DLGAP1: variants seen among roughly 807,000 people sequenced by gnomAD.
DLGAP1 encodes DLG associated protein 1.
DLGAP1 carries 11 observed loss-of-function variants against 90.8 expected under a neutral mutation model. That is an observed-to-expected ratio of 0.12 (90% CI 0.08 to 0.20). DLGAP1 has a LOEUF of 0.20. Among genes scored for constraint, DLGAP1 ranks in the 10% least tolerant of loss-of-function variants. DLGAP1 has a pLI of 1.00. For missense variants in DLGAP1, 1,050 were observed against 1,333.8 expected, an observed-to-expected ratio of 0.79 and a Z score of 3.31; for synonymous variants, 558 against 540.7, an observed-to-expected ratio of 1.03 and a Z score of -0.44.
chr18:3,746,587 T>C (rs1481808860), intron 5 of DLGAP1, among the ~76,000 whole-genome samples: 1 of 152,100 alleles, frequency 6.6e-6, no homozygotes, highest in African/African-American at 2.4e-5. Context: ...TTCACATGCA[T>C]AATATTTAAA....
intron 2 of DLGAP1, among the ~76,000 whole-genome samples, chr18:4,101,067 T>C (rs1019389751): frequency 1.3e-5 from 2 of 152,216 alleles, no homozygotes; most frequent in African/African-American, 4.8e-5. Flanking sequence ...CCTTCAAGAA[T>C]TCTTCCTTTG....
chr18:4,283,282 G>A (rs984212347), intron 1 of DLGAP1, among the ~76,000 whole-genome samples: 6 of 152,076 alleles, frequency 3.9e-5, no homozygotes, highest in African/African-American at 1.4e-4. Context: ...AAATACTCCC[G>A]AAAGTTTGTA....
chr18:4,309,834 A>C (rs984462391), intron 1 of DLGAP1, among the ~76,000 whole-genome samples: 1 of 152,202 alleles, frequency 6.6e-6, no homozygotes, highest in Admixed American at 6.5e-5. Flanking sequence ...AGAGTAAAAA[A>C]GGCTCCACAG....
rs1288522414 is a variant in DLGAP1, at chr18:4,454,589, C to T, written c.-267+417G>A. 2.0e-5 allele frequency among the ~76,000 whole-genome samples: 3 copies of T among 152,128 alleles called. No individual in the cohort carries two copies. The highest frequency in any genetic ancestry group is 7.2e-5 in the African/African-American group (3 of 41,440). ...CGAGAAAGCCCTGCGGGGAGCAGCCCCCTCCTCCCCTGCAAGGTGCATCGG... is the reference window on the plus strand; with the variant it reads ...CGAGAAAGCCCTGCGGGGAGCAGCCTCCTCCTCCCCTGCAAGGTGCATCGG... On this transcript the variant is annotated intron_variant, in intron 1 of 12. Coordinates refer to ENST00000315677, the MANE Select transcript of DLGAP1 (RefSeq NM_004746.4). This position sits in a 1 kb window ranked among gnomAD's most constrained non-coding sequence, Gnocchi z 4.7.
intron 9 of DLGAP1, among the ~76,000 whole-genome samples, chr18:3,555,988 G>C (rs569589): frequency 0.58 from 88,785 of 151,886 alleles, 30,011 homozygotes; most frequent in Non-Finnish European, 0.73. Context: ...CTATTTGAGT[G>C]CTTAATAGAC....
chr18:3,616,320 C>T (rs1015211463), intron 7 of DLGAP1, among the ~76,000 whole-genome samples: 4 of 152,132 alleles, frequency 2.6e-5, no homozygotes, highest in African/African-American at 9.7e-5. Context: ...GACCTGACTA[C>T]TCTATCACTG....
intron 3 of DLGAP1, among the ~76,000 whole-genome samples, chr18:3,889,298 C>G (rs970864866): frequency 2.0e-5 from 3 of 152,146 alleles, no homozygotes; most frequent in African/African-American, 7.2e-5. Flanking sequence ...GAAATAGCCT[C>G]TGATGAAACC....
intron 3 of DLGAP1, among the ~76,000 whole-genome samples, chr18:3,933,399 G>T (rs1250286195): frequency 6.6e-6 from 1 of 152,196 alleles, no homozygotes; most frequent in Non-Finnish European, 1.5e-5. Context: ...AACTCCATTT[G>T]TTCTCAAGAC....
chr18:4,439,782 C>T (rs1262354354), intron 1 of DLGAP1, among the ~76,000 whole-genome samples: 1 of 151,214 alleles, frequency 6.6e-6, no homozygotes, highest in Non-Finnish European at 1.5e-5. Context: ...TGTATTCCAG[C>T]CTGGGAGATG....
At chr18:3,905,448 G>T (rs766976521) in intron 3 of DLGAP1, among the ~76,000 whole-genome samples, 7 of 150,744 alleles carry the variant, frequency 4.6e-5, no homozygotes, top group Admixed American at 3.3e-4. Context: ...AAGAGAATTG[G>T]GAAGTCACCC....
At chr18:3,693,105 A>G (rs1033203295) in intron 7 of DLGAP1, among the ~76,000 whole-genome samples, 3 of 152,152 alleles carry the variant, frequency 2.0e-5, no homozygotes, top group Non-Finnish European at 2.9e-5. Context: ...TTTCTTTTTC[A>G]GAGACAGAGT....
At chr18:3,973,924 A>T (rs1414823525) in intron 3 of DLGAP1, among the ~76,000 whole-genome samples, 1 of 152,046 alleles carries the variant, frequency 6.6e-6, no homozygotes, top group Non-Finnish European at 1.5e-5. Context: ...AGCCTACCAC[A>T]CTCTCAGGCT....
chr18:4,108,249 T>G (rs2075904845), intron 2 of DLGAP1, among the ~76,000 whole-genome samples: 2 of 152,140 alleles, frequency 1.3e-5, no homozygotes, highest in South Asian at 4.1e-4. Context: ...AGAGAGGACA[T>G]GAAGAATCCA....
intron 1 of DLGAP1, among the ~76,000 whole-genome samples, chr18:4,298,479 T>G (rs1568498164): frequency 6.6e-6 from 1 of 152,206 alleles, no homozygotes; most frequent in Admixed American, 6.5e-5. Context: ...TGTAGGGACA[T>G]GGATGAAATT....
At chr18:3,915,973 C>T (rs140599078) in intron 3 of DLGAP1, among the ~76,000 whole-genome samples, 1 of 152,210 alleles carries the variant, frequency 6.6e-6, no homozygotes, top group East Asian at 1.9e-4. Context: ...AAATTCCCTA[C>T]TCTACTATAG....
At chr18:4,227,408 C>A (rs1252195599) in intron 1 of DLGAP1, among the ~76,000 whole-genome samples, 1 of 151,956 alleles carries the variant, frequency 6.6e-6, no homozygotes, top group Non-Finnish European at 1.5e-5. Context: ...ACATTCTTCT[C>A]CACAGCACAT....
rs552763835 is a variant in DLGAP1, at chr18:4,381,326, A to G, written c.-267+73680T>C. On this transcript the variant is annotated intron_variant, in intron 1 of 12. Coordinates refer to ENST00000315677, the MANE Select transcript of DLGAP1 (RefSeq NM_004746.4). ...TGATAACTATTCAACAGTGAAGTGC[A>G]TTTACATCATATAATATAAGCAGAA... is the stretch of plus-strand genomic sequence containing the variant. Among the ~76,000 whole-genome samples the G allele has an allele frequency of 1.4e-4, 21 of 152,312 alleles. 1 individual carries two copies. The South Asian group carries it at 4.1e-3, about 30-fold the overall frequency.
chr18:3,528,160 G>A (rs1056136080), intron 10 of DLGAP1, among the ~76,000 whole-genome samples: 9 of 152,150 alleles, frequency 5.9e-5, no homozygotes, highest in Admixed American at 2.0e-4. Flanking sequence ...ACCCTGAAGA[G>A]AGGCCCTCCT....
chr18:4,273,234 C>A (rs1171391118), intron 1 of DLGAP1, among the ~76,000 whole-genome samples: 1 of 152,136 alleles, frequency 6.6e-6, no homozygotes, highest in Non-Finnish European at 1.5e-5. Flanking sequence ...CATTTGTTAA[C>A]CTCTCACCAT....
Sources: gnomAD v4.1 joint callset for allele counts (sites outside exome capture counted in the v4.1 genomes callset) on GRCh38, gnomAD v4.1.1 for gene constraint, Gnocchi (gnomAD v3.1) non-coding constraint, MANE v1.5 for transcripts, NCBI Gene and HGNC (gene_info 2026-07-23, HGNC 2026-07-21) for gene names.